SLC24A2: variants seen among roughly 807,000 people sequenced by gnomAD.
SLC24A2 encodes the protein solute carrier family 24 member 2, also known as sodium/potassium/calcium exchanger 2.
SLC24A2 carries 36 observed loss-of-function variants against 62.0 expected under a neutral mutation model. The observed-to-expected ratio is 0.58, with a 90% CI of 0.44 to 0.77. The LOEUF is 0.77. Ranked by LOEUF, SLC24A2 falls within the 30% of genes least tolerant of loss-of-function variation. The pLI is 0.00. For missense variants in SLC24A2, 846 were observed against 817.9 expected, an observed-to-expected ratio of 1.03 and a Z score of -0.42; for synonymous variants, 358 against 294.0, an observed-to-expected ratio of 1.22 and a Z score of -2.23.
the SLC24A2 span, among the ~76,000 whole-genome samples, chr9:20,052,836 T>G: frequency 7.2e-5 from 11 of 152,220 alleles, no homozygotes; most frequent in African/African-American, 1.4e-4. Flanking sequence ...TTGATGTTGT[T>G]TATTCTTAGA....
At chr9:19,529,063 G>T (rs754780498) in intron 8 of SLC24A2, among the ~76,000 whole-genome samples, 4 of 152,088 alleles carry the variant, frequency 2.6e-5, no homozygotes, top group African/African-American at 9.7e-5. Context: ...TGAAAAATTG[G>T]GGTCTTTTAA....
the SLC24A2 span, among the ~76,000 whole-genome samples, chr9:20,281,308 T>A: frequency 7.9e-5 from 12 of 152,332 alleles, no homozygotes; most frequent in East Asian, 2.3e-3. Flanking sequence ...AACTATAAAC[T>A]TTTTATACTT....
At chr9:20,023,267 A>G in the SLC24A2 span, among the ~76,000 whole-genome samples, 1 of 152,220 alleles carries the variant, frequency 6.6e-6, no homozygotes, top group Non-Finnish European at 1.5e-5. Flanking sequence ...AATGTAGTTA[A>G]TAAGATCAAT....
At chr9:20,026,518 C>A in the SLC24A2 span, among the ~76,000 whole-genome samples, 1 of 152,124 alleles carries the variant, frequency 6.6e-6, no homozygotes, top group Non-Finnish European at 1.5e-5. Context: ...CCATTGCGTG[C>A]CCCAGTTAAT....
chr9:20,248,862 G>C, the SLC24A2 span, among the ~76,000 whole-genome samples: 2 of 152,128 alleles, frequency 1.3e-5, no homozygotes, highest in Non-Finnish European at 2.9e-5. Flanking sequence ...GGGCACTTAA[G>C]GACAATAAGA....
At chr9:19,668,218 T>A (rs1459144859) in intron 2 of SLC24A2, among the ~76,000 whole-genome samples, 1 of 152,158 alleles carries the variant, frequency 6.6e-6, no homozygotes, top group Non-Finnish European at 1.5e-5. Flanking sequence ...CCCCAATATA[T>A]TTTATTTTGC....
chr9:19,876,365 CGTGTGTGTGTGT>C, the SLC24A2 span, among the ~76,000 whole-genome samples: 122 of 145,630 alleles, frequency 8.4e-4, no homozygotes, highest in African/African-American at 2.8e-3. Context: ...TTATTGAAGG[CGTGTGTGTGTGT>C]GTGTGTGTGT....
At position 19,786,263 on chromosome 9, in the gene SLC24A2, T is replaced by C; in HGVS notation, c.604A>G (p.Asn202Asp). Reference sequence around the variant, plus strand: ...CCTACAATTGTGCCTATGCCAACGTTGCTGTGAGCGATAAATACCCCTATG... The same window carrying C: ...CCTACAATTGTGCCTATGCCAACGTCGCTGTGAGCGATAAATACCCCTATG... ...SLIGVFIAHS[N>D]VGIGTIVGSA... The change falls in exon 2 of 11, where the codon AAC (asparagine) becomes GAC (aspartate). Residue 202 changes from asparagine to aspartate, a missense_variant. By Grantham distance (23) the Asn-to-Asp change is conservative (BLOSUM62 1). Coordinates refer to ENST00000341998, the MANE Select transcript of SLC24A2 (RefSeq NM_020344.4). This position sits in a 1 kb window ranked among gnomAD's most constrained non-coding sequence, Gnocchi z 5.0. 6.2e-7 allele frequency: 1 copy of C among 1,614,170 alleles called. No homozygotes were observed. Among genetic ancestry groups the C allele is most frequent in the Non-Finnish European group, 8.5e-7 (1 of 1,180,030 alleles).
chr9:20,102,491 A>AG, the SLC24A2 span, among the ~76,000 whole-genome samples: 6 of 25,508 alleles, frequency 2.4e-4, no homozygotes, highest in African/African-American at 2.9e-4. Context: ...GGGGCCTGTG[A>AG]GGGGGTGGGG....
intron 5 of SLC24A2, among the ~76,000 whole-genome samples, chr9:19,580,024 T>C (rs1434200465): frequency 1.3e-5 from 2 of 152,252 alleles, no homozygotes; most frequent in African/African-American, 2.4e-5. Flanking sequence ...CCAGTGAGAC[T>C]GCATGTTACT....
chr9:19,562,924 GCAAGAACTATTTCTA>G (rs1278178199), intron 7 of SLC24A2, among the ~76,000 whole-genome samples: 4 of 152,124 alleles, frequency 2.6e-5, no homozygotes, highest in Admixed American at 6.6e-5. Context: ...GGGAAACACA[GCAAGAACTATTTCTA>G]CAAAAGATTT....
At chr9:19,649,751 A>G (rs1194427820) in intron 2 of SLC24A2, among the ~76,000 whole-genome samples, 2 of 152,240 alleles carry the variant, frequency 1.3e-5, no homozygotes, top group Non-Finnish European at 2.9e-5. Context: ...GGAAAGAAAT[A>G]AGATTTAACT....
the SLC24A2 span, among the ~76,000 whole-genome samples, chr9:19,813,897 C>T: frequency 1.3e-5 from 2 of 152,066 alleles, no homozygotes; most frequent in Non-Finnish European, 2.9e-5. Flanking sequence ...CAGTAAATCT[C>T]AGGCACCTTG....
intron 2 of SLC24A2, among the ~76,000 whole-genome samples, chr9:19,734,572 T>C (rs1320803114): frequency 6.6e-6 from 1 of 152,162 alleles, no homozygotes; most frequent in Non-Finnish European, 1.5e-5. Flanking sequence ...TGAGCAGTGG[T>C]TTGTAGTTCT....
chr9:20,238,807 A>G, the SLC24A2 span, among the ~76,000 whole-genome samples: 4 of 152,222 alleles, frequency 2.6e-5, no homozygotes, highest in Admixed American at 1.3e-4. Flanking sequence ...TAGGGACTTT[A>G]GGGTATAGTT....
chr9:19,820,813 A>T, the SLC24A2 span, among the ~76,000 whole-genome samples: 7 of 151,984 alleles, frequency 4.6e-5, no homozygotes, highest in Admixed American at 4.6e-4. Flanking sequence ...ATGCTGGACT[A>T]GATTACCTTT....
chr9:19,744,445 G>A (rs1821769710), intron 2 of SLC24A2, among the ~76,000 whole-genome samples: 1 of 152,100 alleles, frequency 6.6e-6, no homozygotes, highest in African/African-American at 2.4e-5. Flanking sequence ...TACCTTGTTA[G>A]ATTTTATGGT....
rs1818214247 is a variant in SLC24A2, at chr9:19,632,889, T to C, written c.931-10590A>G. 6.6e-6 allele frequency among the ~76,000 whole-genome samples: 1 copy of C among 152,212 alleles called. No homozygotes were observed. The highest frequency in any genetic ancestry group is 2.4e-5 in the African/African-American group (1 of 41,454). On this transcript the variant is annotated intron_variant, in intron 2 of 10. Transcript: ENST00000341998. This position sits in a 1 kb window ranked among gnomAD's most constrained non-coding sequence, Gnocchi z 4.5. ...CAGTTTAATTATATGTGTAGCTTCA[T>C]GTAACCACCACTGCAATCAAGATAA...
At chr9:19,918,296 T>C in the SLC24A2 span, among the ~76,000 whole-genome samples, 1 of 151,962 alleles carries the variant, frequency 6.6e-6, no homozygotes, top group Non-Finnish European at 1.5e-5. Context: ...TATTTAGCAC[T>C]TCTCATTGTT....
Sources: allele counts gnomAD v4.1 joint callset (sites outside exome capture counted in the v4.1 genomes callset), GRCh38; gene constraint gnomAD v4.1.1; non-coding constraint Gnocchi (gnomAD v3.1); transcripts MANE v1.5; gene names NCBI Gene and HGNC (gene_info 2026-07-23, HGNC 2026-07-21).